Variants in MTREX observed in about 807,000 individuals in gnomAD.
MTREX encodes the protein Mtr4 exosome RNA helicase, also known as exosome RNA helicase MTR4.
A neutral mutation model predicts 135.4 loss-of-function variants in MTREX; 76 were observed. The observed-to-expected ratio is 0.56, with a 90% CI of 0.47 to 0.68. MTREX has a LOEUF of 0.68. Ranked by LOEUF, MTREX falls within the 30% of genes least tolerant of loss-of-function variation. The pLI, the probability that MTREX is intolerant of heterozygous loss-of-function variation, is 0.00. For synonymous variants in MTREX, 404 were observed against 401.6 expected, an observed-to-expected ratio of 1.01 and a Z score of -0.07; for missense variants, 920 against 1,262.1, an observed-to-expected ratio of 0.73 and a Z score of 4.11.
In MTREX at chr5:55,350,561, T is replaced by G. The variant is rs1196492032; in HGVS notation, c.1321-358T>G. ...CATGTTAAATATGTGTTACAGTGAT[T>G]TATTTTTTGGGGGTTTGAGTTGCCA... On this transcript the variant is annotated intron_variant, in intron 12 of 26. Transcript: ENST00000230640. 7.2e-5 allele frequency among the ~76,000 whole-genome samples: 11 copies of G among 152,182 alleles called. No individual in the cohort carries two copies. In the East Asian group the frequency reaches 2.1e-3, roughly 29 times the overall value.
At chr5:55,369,517 G>A (rs573715454) in intron 16 of MTREX, among the ~76,000 whole-genome samples, 4 of 152,300 alleles carry the variant, frequency 2.6e-5, no homozygotes, top group East Asian at 3.9e-4. Flanking sequence ...CCCTGGTACA[G>A]TGGAGGATAG....
At chr5:55,380,956 C>T (rs920478075) in intron 18 of MTREX, among the ~76,000 whole-genome samples, 3 of 152,122 alleles carry the variant, frequency 2.0e-5, no homozygotes, top group Non-Finnish European at 4.4e-5. Context: ...GCAATGAGGC[C>T]ACTTCGGCCT....
chr5:55,325,838 A>G (rs1253137092), intron 3 of MTREX, among the ~76,000 whole-genome samples: 1 of 151,990 alleles, frequency 6.6e-6, no homozygotes, highest in Non-Finnish European at 1.5e-5. Context: ...TGTGTACCCT[A>G]TGTTTAGCTC....
intron 22 of MTREX, among the ~76,000 whole-genome samples, chr5:55,408,161 G>A (rs1460667489): frequency 1.3e-5 from 2 of 152,030 alleles, no homozygotes; most frequent in African/African-American, 2.4e-5. Flanking sequence ...TCCCTCTCCA[G>A]CAGTCTGTTG....
At chr5:55,338,753 T>A (rs1749593392) in intron 5 of MTREX, among the ~76,000 whole-genome samples, 3 of 151,202 alleles carry the variant, frequency 2.0e-5, no homozygotes, top group South Asian at 2.1e-4. Flanking sequence ...GAGAATTTTT[T>A]CTTTTGATTG....
At chr5:55,315,423 G>A (rs1371088168) in intron 1 of MTREX, among the ~76,000 whole-genome samples, 3 of 152,002 alleles carry the variant, frequency 2.0e-5, no homozygotes, top group Non-Finnish European at 2.9e-5. Flanking sequence ...TGTTACATGT[G>A]CATCTGATCC....
chr5:55,359,420 GGTCA>G (rs1262837275), intron 15 of MTREX, among the ~76,000 whole-genome samples: 1 of 152,122 alleles, frequency 6.6e-6, no homozygotes, highest in Non-Finnish European at 1.5e-5. Context: ...GACACACTTA[GGTCA>G]GTATCTATGA....
intron 1 of MTREX, among the ~76,000 whole-genome samples, chr5:55,312,889 T>A (rs1749137414): frequency 6.6e-6 from 1 of 152,204 alleles, no homozygotes; most frequent in Non-Finnish European, 1.5e-5. Context: ...ACACTTTCAG[T>A]GCTAAACTTG....
At chr5:55,342,455 T>C (rs1205407060) in intron 7 of MTREX, among the ~76,000 whole-genome samples, 2 of 152,156 alleles carry the variant, frequency 1.3e-5, no homozygotes, top group Non-Finnish European at 2.9e-5. Context: ...TATGTGTTTA[T>C]GGTAAAAACA....
At chr5:55,410,757 G>A (rs889835892) in intron 23 of MTREX, 128 bp downstream of exon 23, 14 of 453,586 alleles carry the variant, frequency 3.1e-5, no homozygotes, top group Middle Eastern at 5.6e-4. Flanking sequence ...GGAAATCACA[G>A]CAACTTTAAC....
chr5:55,382,327 G>C lies in MTREX; in HGVS notation c.2052+3132G>C, dbSNP rs550787485. Among the ~76,000 whole-genome samples the C allele has an allele frequency of 7.2e-5, 11 of 151,926 alleles. No individual in the cohort carries two copies. In the South Asian group the frequency reaches 2.3e-3, roughly 32 times the overall value. ...TATATACACATGTATGTATGTATGT[G>C]TACATGTATATATATGTATATTTAT... On this transcript the variant is annotated intron_variant, in intron 18 of 26. Coordinates refer to ENST00000230640, the MANE Select transcript of MTREX (RefSeq NM_015360.5).
At chr5:55,327,862 A>G in intron 4 of MTREX, 84 bp downstream of exon 4, 1 of 1,044,128 alleles carries the variant, frequency 9.6e-7, no homozygotes, top group Non-Finnish European at 1.5e-6. Flanking sequence ...AGATTTTTAT[A>G]TTTCCCACAA....
At chr5:55,378,843 A>C (rs1038233572) in intron 17 of MTREX, among the ~76,000 whole-genome samples, 1 of 152,204 alleles carries the variant, frequency 6.6e-6, no homozygotes, top group Non-Finnish European at 1.5e-5. Flanking sequence ...ATTAGATATA[A>C]ATGATTTATA....
At chr5:55,373,011 G>T (rs1384993801) in intron 16 of MTREX, among the ~76,000 whole-genome samples, 1 of 150,588 alleles carries the variant, frequency 6.6e-6, no homozygotes, top group East Asian at 2.0e-4. Context: ...AAACGTTGGG[G>T]CACTTTAGGC....
chr5:55,397,521 A>G lies in MTREX; in HGVS notation c.2287A>G (p.Ile763Val), dbSNP rs749786942. 3.0e-5 allele frequency: 47 copies of G among 1,584,262 alleles called. No individual in the cohort carries two copies. The highest frequency in any genetic ancestry group is 1.7e-4 in the Admixed American group (10 of 59,700). The change falls in exon 20 of 27, where the codon ATA (isoleucine) becomes GTA (valine). Residue 763 changes from isoleucine to valine, a missense_variant. Ile to Val is a conservative substitution (Grantham distance 29). Coordinates refer to ENST00000230640, the MANE Select transcript of MTREX (RefSeq NM_015360.5). Reference sequence around the variant, plus strand: ...CAATAGACAGAGTGTTTTAAAATCAATACAGGTATGTGTTAATTTCATAAG... The same window carrying G: ...CAATAGACAGAGTGTTTTAAAATCAGTACAGGTATGTGTTAATTTCATAAG... The part of the protein sequence containing the change: ...VDNRQSVLKS[I>V]QEVQKRFPDG...
intron 21 of MTREX, among the ~76,000 whole-genome samples, chr5:55,402,225 A>T (rs971357887): frequency 6.6e-6 from 1 of 152,194 alleles, no homozygotes; most frequent in African/African-American, 2.4e-5. Flanking sequence ...ACCCACCTTC[A>T]AGTGCTGCTA....
chr5:55,401,760 T>C (rs1217601256), intron 21 of MTREX, among the ~76,000 whole-genome samples: 3 of 152,234 alleles, frequency 2.0e-5, no homozygotes, highest in Non-Finnish European at 2.9e-5. Flanking sequence ...ACCATTATTA[T>C]AAGCATTCTG....
At position 55,425,169 on chromosome 5, in the gene MTREX, A is replaced by AAAAC. The variant is rs763631115; in HGVS notation, c.*399_*402dup. On this transcript the variant is annotated 3_prime_UTR_variant, in exon 27 of 27. Transcript: ENST00000230640. ...CCTTGTGGCAATCATTTTCCTTTAG[A>AAAAC]AAACAGGCCAGCTTCACCTGGGCAC... is the stretch of plus-strand genomic sequence containing the variant. The AAAAC allele has an allele frequency of 3.1e-6, 5 of 1,589,282 alleles. No individual in the cohort carries two copies. The highest frequency in any genetic ancestry group is 2.7e-5 in the African/African-American group (2 of 73,244).
At chr5:55,310,949 A>T (rs1749102863) in intron 1 of MTREX, among the ~76,000 whole-genome samples, 1 of 151,962 alleles carries the variant, frequency 6.6e-6, no homozygotes, top group African/African-American at 2.4e-5. Flanking sequence ...GGCTAATTTT[A>T]AAAATGTTTT....
Sources: gnomAD v4.1 joint callset for allele counts (sites outside exome capture counted in the v4.1 genomes callset) on GRCh38, gnomAD v4.1.1 for gene constraint, MANE v1.5 for transcripts, NCBI Gene and HGNC (gene_info 2026-07-23, HGNC 2026-07-21) for gene names.